ARHGAP20: variants seen among roughly 807,000 people sequenced by gnomAD.
ARHGAP20 encodes rho GTPase-activating protein 20.
In ARHGAP20, 34 loss-of-function variants were observed where a neutral mutation model predicts 73.7. That is an observed-to-expected ratio of 0.46 (90% CI 0.35 to 0.61). The LOEUF (loss-of-function observed/expected upper bound fraction) is 0.61. ARHGAP20 is among the 20% of genes least tolerant of loss of function. ARHGAP20 has a pLI of 0.00. For synonymous variants in ARHGAP20, 523 were observed against 518.2 expected (o/e 1.01, Z -0.13); for missense variants, 1,314 against 1,420.9 (o/e 0.92, Z 1.21).
intron 4 of ARHGAP20, among the ~76,000 whole-genome samples, chr11:110,621,274 G>C (rs1948623590): frequency 6.6e-6 from 1 of 152,022 alleles, no homozygotes; most frequent in South Asian, 2.1e-4. Flanking sequence ...TAGTCACACT[G>C]TCTAGGGTTC....
chr11:110,606,787 A>C, intron 8 of ARHGAP20, 38 bp from the exon 9 acceptor site: 2 of 1,490,270 alleles, frequency 1.3e-6, no homozygotes, highest in Non-Finnish European at 9.0e-7. Context: ...CTTCAGGCTG[A>C]CTGGTACTGT....
chr11:110,589,141 A>C (rs533906890), intron 11 of ARHGAP20, among the ~76,000 whole-genome samples: 33 of 152,306 alleles, frequency 2.2e-4, no homozygotes, highest in African/African-American at 7.9e-4. Flanking sequence ...AAAAAGGAAA[A>C]TTTATCATGC....
chr11:110,704,031 TA>T (rs1275240366), intron 1 of ARHGAP20, among the ~76,000 whole-genome samples: 1 of 152,180 alleles, frequency 6.6e-6, no homozygotes, highest in African/African-American at 2.4e-5. Context: ...TGCCTTACGG[TA>T]GCCCCTCATT....
intron 2 of ARHGAP20, among the ~76,000 whole-genome samples, chr11:110,646,019 A>G (rs942240761): frequency 6.6e-6 from 1 of 152,164 alleles, no homozygotes; most frequent in Admixed American, 6.6e-5. Context: ...ATTGGGTACT[A>G]TGCTCACTAC....
At chr11:110,709,167 A>C (rs377631677) in intron 1 of ARHGAP20, among the ~76,000 whole-genome samples, 1 of 152,204 alleles carries the variant, frequency 6.6e-6, no homozygotes, top group East Asian at 1.9e-4. Context: ...TTAGCACTAT[A>C]ATGGCAGAAC....
At chr11:110,596,905 T>C (rs1435184191) in intron 9 of ARHGAP20, among the ~76,000 whole-genome samples, 1 of 152,020 alleles carries the variant, frequency 6.6e-6, no homozygotes. Context: ...TGTCCAACAG[T>C]GATAGACTGG....
Position 110,581,112 on chromosome 11 carries a change from T to G in ARHGAP20, c.1834A>C (p.Arg612=). ...AGGGTTAAGACAGAGTCCATGCTTC[T>G]GCTCCCCTGGCCAAGTTTCTTTACC... ...DLVKKLGQGS[R]SMDSVLTLSD... The change falls in exon 15 of 15, where the codon AGA becomes CGA. Residue 612 remains arginine, a synonymous_variant. Transcript: ENST00000683387. The G allele has an allele frequency of 6.2e-7, 1 of 1,614,220 alleles. No homozygotes were observed. The highest frequency in any genetic ancestry group is 8.5e-7 in the Non-Finnish European group (1 of 1,180,044).
chr11:110,577,709 G>A lies in ARHGAP20; in HGVS notation c.*1661C>T, dbSNP rs1327444558. 1 of 985,876 alleles carries A rather than the reference G, an allele frequency of 1.0e-6. No individual in the cohort carries two copies. Among genetic ancestry groups the A allele is most frequent in the South Asian group, 4.7e-5 (1 of 21,286 alleles). The allele number at this position is 985,876 out of a possible 1,614,324, so 61.1% of individuals were successfully genotyped here. On this transcript the variant is annotated 3_prime_UTR_variant, in exon 15 of 15. Coordinates refer to ENST00000683387, the MANE Select transcript of ARHGAP20 (RefSeq NM_001384657.1). Reference sequence around the variant, plus strand: ...CTGTGACTCAGATGGCCAGTGTCACGAAGTAGCTCTTTGGATACAGAGTTC... The same window carrying A: ...CTGTGACTCAGATGGCCAGTGTCACAAAGTAGCTCTTTGGATACAGAGTTC...
intron 2 of ARHGAP20, among the ~76,000 whole-genome samples, chr11:110,655,057 G>GCTACT (rs1163623664): frequency 1.3e-5 from 2 of 152,132 alleles, no homozygotes; most frequent in African/African-American, 4.8e-5. Context: ...CTACATTTGA[G>GCTACT]CTACTCTAGA....
At chr11:110,708,019 G>A (rs755061547) in intron 1 of ARHGAP20, among the ~76,000 whole-genome samples, 3 of 151,396 alleles carry the variant, frequency 2.0e-5, no homozygotes, top group Non-Finnish European at 2.9e-5. Flanking sequence ...AAGAACTTCC[G>A]TTCTTTTGAA....
chr11:110,641,647 T>G (rs544830279), intron 2 of ARHGAP20, among the ~76,000 whole-genome samples: 27 of 151,956 alleles, frequency 1.8e-4, no homozygotes, highest in Non-Finnish European at 3.2e-4. Context: ...AGTGAGCTAT[T>G]ACCATGCCAC....
chr11:110,664,589 G>A (rs970728423), intron 2 of ARHGAP20, among the ~76,000 whole-genome samples: 7 of 151,582 alleles, frequency 4.6e-5, no homozygotes, highest in South Asian at 4.2e-4. Context: ...TTAGCCAGGC[G>A]TTGTGGCGGG....
At chr11:110,666,170 C>T (rs2135056493) in intron 2 of ARHGAP20, among the ~76,000 whole-genome samples, 1 of 152,106 alleles carries the variant, frequency 6.6e-6, no homozygotes, top group South Asian at 2.1e-4. Context: ...CAAAAATGTG[C>T]AAGACATTGA....
chr11:110,631,293 C>T (rs1183972542), intron 2 of ARHGAP20, among the ~76,000 whole-genome samples: 3 of 152,126 alleles, frequency 2.0e-5, no homozygotes, highest in Non-Finnish European at 4.4e-5. Flanking sequence ...AAGCCTCTAA[C>T]AAGATTTAGA....
At chr11:110,592,382 A>G (rs1215179205) in intron 9 of ARHGAP20, among the ~76,000 whole-genome samples, 1 of 152,200 alleles carries the variant, frequency 6.6e-6, no homozygotes, top group Non-Finnish European at 1.5e-5. Flanking sequence ...TTCTTCTCCC[A>G]TCCAGTTTTT....
At chr11:110,683,884 G>A (rs1190587700) in intron 2 of ARHGAP20, among the ~76,000 whole-genome samples, 6 of 152,092 alleles carry the variant, frequency 3.9e-5, no homozygotes, top group Admixed American at 2.0e-4. Context: ...AAGAGGTGAG[G>A]CTTTTGGAGG....
chr11:110,630,734 T>C lies in ARHGAP20; in HGVS notation c.247A>G (p.Asn83Asp), dbSNP rs1948843134. ...CTFLSSLVCSNRTLLIDGRAE... is the reference protein window; with the variant it reads ...CTFLSSLVCSDRTLLIDGRAE... ...CGGCCATCAATCAGCAGAGTCCTATTGGAGCACACTAATGATGACAGAAAT... is the reference window on the plus strand; with the variant it reads ...CGGCCATCAATCAGCAGAGTCCTATCGGAGCACACTAATGATGACAGAAAT... Residue 83 changes from asparagine to aspartate, a missense_variant, in exon 3 of 15, where the codon AAT becomes GAT. Coordinates refer to ENST00000683387, the MANE Select transcript of ARHGAP20 (RefSeq NM_001384657.1). 6.2e-7 allele frequency: 1 copy of C among 1,614,040 alleles called. No individual in the cohort carries two copies. The highest frequency in any genetic ancestry group is 8.5e-7 in the Non-Finnish European group (1 of 1,180,010).
At chr11:110,592,180 A>G in intron 9 of ARHGAP20, 25 bp from the exon 10 acceptor site, 1 of 1,590,596 alleles carries the variant, frequency 6.3e-7, no homozygotes. Context: ...AGCTTATTAG[A>G]AAAATGAGTT....
rs762259666 is a variant in ARHGAP20 at position 110,690,531 on chromosome 11, A to G, written c.188+16T>C. 1.9e-6 allele frequency: 3 copies of G among 1,607,790 alleles called. No homozygotes were observed. The highest frequency in any genetic ancestry group is 2.6e-6 in the Non-Finnish European group (3 of 1,174,388). On this transcript the variant is annotated intron_variant, in intron 2 of 14. Coordinates refer to ENST00000683387, the MANE Select transcript of ARHGAP20 (RefSeq NM_001384657.1). ...CAAGCACATACTGAATGTGTAATAC[A>G]AAGCTTTGCACTTACCTGGTAGTAG...
Sources: allele counts gnomAD v4.1 joint callset (sites outside exome capture counted in the v4.1 genomes callset), GRCh38; gene constraint gnomAD v4.1.1; transcripts MANE v1.5; gene names NCBI Gene and HGNC (gene_info 2026-07-23, HGNC 2026-07-21).